Variants in IQGAP2 observed in about 807,000 individuals in gnomAD.
The protein encoded by IQGAP2 is ras GTPase-activating-like protein IQGAP2.
In IQGAP2, 173 loss-of-function variants were observed where a neutral mutation model predicts 201.3. The ratio of observed to expected loss-of-function variants is 0.86; its 90% CI spans 0.76 to 0.98. The LOEUF (loss-of-function observed/expected upper bound fraction) is 0.98, where lower values mean the gene tolerates loss of function less well. Among genes scored for constraint, IQGAP2 ranks in the 50% least tolerant of loss-of-function variants. IQGAP2 has a pLI of 0.00. For synonymous variants in IQGAP2, 675 were observed against 673.9 expected (o/e 1.00, Z -0.03); for missense variants, 1,687 against 1,864.8 (o/e 0.90, Z 1.76).
chr5:76,588,005 C>T (rs548789099), intron 5 of IQGAP2, among the ~76,000 whole-genome samples: 4 of 150,422 alleles, frequency 2.7e-5, no homozygotes, highest in Admixed American at 6.6e-5. Context: ...AAGCTACTTA[C>T]ATTAAATGAC....
At chr5:76,618,375 G>A (rs777413070) in intron 13 of IQGAP2, 4 of 1,614,086 alleles carry the variant, frequency 2.5e-6, no homozygotes, top group Non-Finnish European at 3.4e-6. Context: ...CACAGCATTG[G>A]CCGGGACACC....
chr5:76,630,543 A>T (rs919597737), intron 14 of IQGAP2, among the ~76,000 whole-genome samples: 3 of 152,286 alleles, frequency 2.0e-5, no homozygotes, highest in Non-Finnish European at 1.5e-5. Context: ...CAGCTCATCG[A>T]TACTCAATGA....
chr5:76,548,641 C>T (rs1465315721), intron 2 of IQGAP2, among the ~76,000 whole-genome samples: 6 of 152,166 alleles, frequency 3.9e-5, no homozygotes, highest in Non-Finnish European at 8.8e-5. Flanking sequence ...ACTCTCTGAG[C>T]CTCTTCTTCC....
intron 21 of IQGAP2, among the ~76,000 whole-genome samples, chr5:76,664,325 A>T (rs943730009): frequency 3.9e-5 from 6 of 152,210 alleles, no homozygotes; most frequent in African/African-American, 1.4e-4. Context: ...GAACAGACAC[A>T]TTTATTGGTT....
intron 1 of IQGAP2, chr5:76,404,410 G>C (rs989054230): frequency 1.0e-5 from 10 of 956,506 alleles, no homozygotes; most frequent in Non-Finnish European, 1.2e-5. Context: ...CATGTGCCAG[G>C]AAGCATTTCC....
At chr5:76,670,123 A>C (rs1033949553) in intron 23 of IQGAP2, among the ~76,000 whole-genome samples, 1 of 152,110 alleles carries the variant, frequency 6.6e-6, no homozygotes, top group Non-Finnish European at 1.5e-5. Context: ...AGGGGAGAAC[A>C]TGGGTTTTGG....
chr5:76,681,761 A>G (rs1421199543), intron 28 of IQGAP2, among the ~76,000 whole-genome samples: 3 of 152,220 alleles, frequency 2.0e-5, no homozygotes, highest in African/African-American at 7.2e-5. Context: ...ATACCCATAA[A>G]AAATTGAAAG....
At chr5:76,597,690 G>A in intron 10 of IQGAP2, 88 bp downstream of exon 10, 2 of 1,358,142 alleles carry the variant, frequency 1.5e-6, no homozygotes, top group Non-Finnish European at 2.1e-6. Context: ...GGGGAATAGG[G>A]ATCGGGGATC....
chr5:76,591,024 G>A (rs1224575728), intron 8 of IQGAP2, among the ~76,000 whole-genome samples: 1 of 152,192 alleles, frequency 6.6e-6, no homozygotes, highest in Non-Finnish European at 1.5e-5. Flanking sequence ...TTGAGCCTGG[G>A]AGGTTGAGGC....
chr5:76,506,900 CACAGATAGGA>C (rs530506684), intron 2 of IQGAP2, among the ~76,000 whole-genome samples: 17 of 152,192 alleles, frequency 1.1e-4, no homozygotes, highest in Non-Finnish European at 2.1e-4. Context: ...ATTTCATGTT[CACAGATAGGA>C]ACCCTCCATG....
intron 2 of IQGAP2, among the ~76,000 whole-genome samples, chr5:76,497,556 G>GC (rs1310253474): frequency 1.3e-5 from 2 of 152,106 alleles, no homozygotes; most frequent in Non-Finnish European, 2.9e-5. Flanking sequence ...ATTGAAAAAA[G>GC]CCATTTTTGG....
intron 2 of IQGAP2, among the ~76,000 whole-genome samples, chr5:76,477,227 G>C (rs1367378275): frequency 1.3e-5 from 2 of 152,142 alleles, no homozygotes; most frequent in Admixed American, 1.3e-4. Flanking sequence ...TGTAGTTTCA[G>C]CTACTTGGGA....
At chr5:76,584,082 A>T (rs1449759321) in intron 5 of IQGAP2, among the ~76,000 whole-genome samples, 1 of 152,166 alleles carries the variant, frequency 6.6e-6, no homozygotes, top group East Asian at 1.9e-4. Context: ...CATGTTGACC[A>T]GGCTGGTCTC....
Position 76,631,898 on chromosome 5 carries a change from G to GA in IQGAP2, c.1659dup (p.Ser554IlefsTer3), listed in dbSNP as rs745417800. 10 of 1,608,836 alleles carry GA rather than the reference G, an allele frequency of 6.2e-6. No homozygotes were observed. The South Asian group carries it at 6.7e-5, about 11-fold the overall frequency. On this transcript the variant is annotated frameshift_variant, in exon 15 of 36. Coordinates refer to ENST00000274364, the MANE Select transcript of IQGAP2 (RefSeq NM_006633.5). LOFTEE classifies it high-confidence loss of function. ...GTTGATGTTAATCAGTGTTTGGAAG[G>GA]AAAAAAATCAAGTGATATTTTGTCT...
At chr5:76,466,085 C>T (rs944176632) in intron 2 of IQGAP2, among the ~76,000 whole-genome samples, 2 of 151,820 alleles carry the variant, frequency 1.3e-5, no homozygotes, top group Non-Finnish European at 2.9e-5. Context: ...GCTTATCTTC[C>T]AGCACTTTGG....
At chr5:76,522,550 T>C (rs1758750237) in intron 2 of IQGAP2, among the ~76,000 whole-genome samples, 1 of 152,192 alleles carries the variant, frequency 6.6e-6, no homozygotes, top group Non-Finnish European at 1.5e-5. Context: ...ATGTTTATAT[T>C]TATTTCTTTC....
At chr5:76,476,869 C>T (rs368598373) in intron 2 of IQGAP2, among the ~76,000 whole-genome samples, 5 of 152,158 alleles carry the variant, frequency 3.3e-5, no homozygotes, top group African/African-American at 1.2e-4. Flanking sequence ...TATATCATGA[C>T]CCAGGTAGCT....
chr5:76,473,700 A>G (rs979777407), intron 2 of IQGAP2, among the ~76,000 whole-genome samples: 1 of 152,186 alleles, frequency 6.6e-6, no homozygotes, highest in Non-Finnish European at 1.5e-5. Context: ...TCTTCACCCA[A>G]GAAAATTTTG....
chr5:76,647,854 C>CAT lies in IQGAP2; in HGVS notation c.2095-4896_2095-4895insAT, dbSNP rs1167953917. On this transcript the variant is annotated intron_variant, in intron 17 of 35. Coordinates refer to ENST00000274364, the MANE Select transcript of IQGAP2 (RefSeq NM_006633.5). ...ACACACACACACACACACACACAAA[C>CAT]GAAAAAAACTGTAATGCCTCCACCT... Among the ~76,000 whole-genome samples the CAT allele has an allele frequency of 2.3e-3, 341 of 151,302 alleles. 1 individual carries two copies. The highest frequency in any genetic ancestry group is 8.1e-3 in the African/African-American group (333 of 41,164).
Sources: gnomAD v4.1 joint callset for allele counts (sites outside exome capture counted in the v4.1 genomes callset) on GRCh38, gnomAD v4.1.1 for gene constraint, MANE v1.5 for transcripts, NCBI Gene and HGNC (gene_info 2026-07-23, HGNC 2026-07-21) for gene names.